SLC25A21: variants seen among roughly 807,000 people sequenced by gnomAD.
SLC25A21 encodes mitochondrial 2-oxodicarboxylate carrier.
Under a neutral mutation model 43.8 loss-of-function variants are expected in SLC25A21, and 47 were observed. The observed-to-expected ratio is 1.07, with a 90% confidence interval of 0.85 to 1.37. The LOEUF is 1.37. Ranked by LOEUF, SLC25A21 falls within the 40% of genes most tolerant of loss-of-function variation. The pLI is 0.00. For missense variants in SLC25A21, 352 were observed against 350.2 expected (o/e 1.00, Z -0.04); for synonymous variants, 131 against 121.3 (o/e 1.08, Z -0.52).
At chr14:37,052,627 CT>C (rs1170108898) in intron 1 of SLC25A21, among the ~76,000 whole-genome samples, 1 of 145,204 alleles carries the variant, frequency 6.9e-6, no homozygotes, top group East Asian at 2.0e-4. Context: ...TAATAAAAGA[CT>C]TATCAACATA....
At chr14:36,877,832 T>G (rs1038839298) in intron 1 of SLC25A21, among the ~76,000 whole-genome samples, 4 of 152,126 alleles carry the variant, frequency 2.6e-5, no homozygotes, top group African/African-American at 9.7e-5. Flanking sequence ...AGTGTGCAGG[T>G]GAGGCTCAAG....
At chr14:37,081,512 C>G (rs1962387600) in intron 1 of SLC25A21, among the ~76,000 whole-genome samples, 1 of 152,084 alleles carries the variant, frequency 6.6e-6, no homozygotes, top group African/African-American at 2.4e-5. Flanking sequence ...CCAAATGGTC[C>G]CTGTCTCCCA....
At chr14:37,116,214 C>G (rs1963103042) in intron 1 of SLC25A21, among the ~76,000 whole-genome samples, 1 of 152,168 alleles carries the variant, frequency 6.6e-6, no homozygotes, top group Non-Finnish European at 1.5e-5. Flanking sequence ...TCATAACACA[C>G]AGCACATGTA....
chr14:37,143,089 T>C (rs1220765928), intron 1 of SLC25A21, among the ~76,000 whole-genome samples: 3 of 152,196 alleles, frequency 2.0e-5, no homozygotes, highest in Non-Finnish European at 2.9e-5. Flanking sequence ...CTGAGAAACA[T>C]AGCTGCAGGC....
chr14:36,832,347 T>C (rs1489999571), intron 2 of SLC25A21, among the ~76,000 whole-genome samples: 2 of 152,156 alleles, frequency 1.3e-5, no homozygotes, highest in Non-Finnish European at 2.9e-5. Flanking sequence ...TCTTTGTTTT[T>C]CCCTAGACAG....
chr14:36,907,454 T>A (rs776026927), intron 1 of SLC25A21, among the ~76,000 whole-genome samples: 97 of 152,292 alleles, frequency 6.4e-4, no homozygotes, highest in East Asian at 7.7e-4. Flanking sequence ...GCTTATTTTT[T>A]TAAAAAAACC....
At chr14:37,160,444 T>C (rs191638170) in intron 1 of SLC25A21, among the ~76,000 whole-genome samples, 52 of 152,346 alleles carry the variant, frequency 3.4e-4, no homozygotes, top group Non-Finnish European at 2.1e-4. Flanking sequence ...GAGGTCGTTA[T>C]CTTAAGAGAA....
rs941948121 is a variant in SLC25A21, at chr14:36,886,333, C to G, written c.71-11329G>C. Among the ~76,000 whole-genome samples the G allele has an allele frequency of 3.9e-5, 6 of 152,280 alleles. No individual in the cohort carries two copies. The East Asian group carries it at 9.7e-4, about 25-fold the overall frequency. ...TGGCCAAATAGGCAACGTGATTTGGCAGGTTTGAAAGATGTTGTTAAAAGT... is the reference window on the plus strand; with the variant it reads ...TGGCCAAATAGGCAACGTGATTTGGGAGGTTTGAAAGATGTTGTTAAAAGT... On this transcript the variant is annotated intron_variant, in intron 1 of 9. Coordinates refer to ENST00000331299, the MANE Select transcript of SLC25A21 (RefSeq NM_030631.4).
intron 1 of SLC25A21, among the ~76,000 whole-genome samples, chr14:36,942,004 TAAC>T (rs776000780): frequency 1.3e-5 from 2 of 152,076 alleles, no homozygotes; most frequent in African/African-American, 4.8e-5. Flanking sequence ...AAACCTAAAA[TAAC>T]AAAACTGGTA....
chr14:37,132,110 A>T (rs1366891764), intron 1 of SLC25A21, among the ~76,000 whole-genome samples: 2 of 152,146 alleles, frequency 1.3e-5, no homozygotes, highest in Admixed American at 1.3e-4. Flanking sequence ...AGGTCAAGAG[A>T]GCATACGTGT....
chr14:36,744,992 A>T (rs924009647), intron 3 of SLC25A21, among the ~76,000 whole-genome samples: 2 of 151,740 alleles, frequency 1.3e-5, no homozygotes, highest in Non-Finnish European at 2.9e-5. Flanking sequence ...TATTTCTCCT[A>T]ATGCTATCCC....
intron 1 of SLC25A21, among the ~76,000 whole-genome samples, chr14:36,926,336 CA>C (rs1356322458): frequency 6.6e-6 from 1 of 151,956 alleles, no homozygotes; most frequent in Non-Finnish European, 1.5e-5. Flanking sequence ...ACAACATTAT[CA>C]AAATTTGACC....
chr14:37,061,931 G>A (rs745968582), intron 1 of SLC25A21, among the ~76,000 whole-genome samples: 2 of 152,178 alleles, frequency 1.3e-5, no homozygotes, highest in Non-Finnish European at 2.9e-5. Flanking sequence ...CGCCTAAGGG[G>A]AGGCCACCTC....
At chr14:37,004,523 T>G (rs773510370) in intron 1 of SLC25A21, among the ~76,000 whole-genome samples, 1 of 152,192 alleles carries the variant, frequency 6.6e-6, no homozygotes, top group African/African-American at 2.4e-5. Context: ...AAAAATCCAC[T>G]AGACAGGAAG....
chr14:37,008,109 A>G (rs1345854995), intron 1 of SLC25A21, among the ~76,000 whole-genome samples: 11 of 152,114 alleles, frequency 7.2e-5, no homozygotes, highest in Non-Finnish European at 8.8e-5. Flanking sequence ...CCTGACCTTA[A>G]GCGATCCATC....
intron 3 of SLC25A21, among the ~76,000 whole-genome samples, chr14:36,745,838 C>G (rs1419837565): frequency 6.6e-6 from 1 of 152,024 alleles, no homozygotes; most frequent in Non-Finnish European, 1.5e-5. Context: ...ACGTGGCCAT[C>G]AAACATATGA....
intron 3 of SLC25A21, among the ~76,000 whole-genome samples, chr14:36,784,379 T>C (rs1887176597): frequency 6.6e-6 from 1 of 152,186 alleles, no homozygotes; most frequent in Admixed American, 6.5e-5. Flanking sequence ...TTTTTCTTTA[T>C]TCTCTAGCTG....
intron 1 of SLC25A21, among the ~76,000 whole-genome samples, chr14:36,992,440 T>C (rs1960285217): frequency 6.6e-6 from 1 of 152,110 alleles, no homozygotes; most frequent in African/African-American, 2.4e-5. Flanking sequence ...AAAAAATTTT[T>C]TTTAAAGAAT....
chr14:36,816,524 G>C (rs1463125247), intron 2 of SLC25A21, among the ~76,000 whole-genome samples: 1 of 147,268 alleles, frequency 6.8e-6, no homozygotes, highest in Non-Finnish European at 1.5e-5. Context: ...TTGAGACAGG[G>C]TCTTGCTCTG....
Sources: gnomAD v4.1 joint callset for allele counts (sites outside exome capture counted in the v4.1 genomes callset) on GRCh38, gnomAD v4.1.1 for gene constraint, MANE v1.5 for transcripts, NCBI Gene and HGNC (gene_info 2026-07-23, HGNC 2026-07-21) for gene names.